STX7: variants seen among roughly 807,000 people sequenced by gnomAD.
STX7 encodes the protein syntaxin-7.
STX7 carries 34 observed loss-of-function variants against 39.6 expected under a neutral mutation model. The observed-to-expected ratio is 0.86, with a 90% CI of 0.65 to 1.14. STX7 has a LOEUF of 1.14. Ranked by LOEUF, STX7 falls within the 50% of genes most tolerant of loss-of-function variation. The pLI is 0.00. For missense variants in STX7, 284 were observed against 310.4 expected (o/e 0.92, Z 0.64); for synonymous variants, 119 against 99.1 (o/e 1.20, Z -1.19).
intron 3 of STX7, among the ~76,000 whole-genome samples, 153 bp from the exon 4 acceptor site, chr6:132,472,528 T>C (rs1414077129): frequency 6.6e-6 from 1 of 152,232 alleles, no homozygotes; most frequent in African/African-American, 2.4e-5. Context: ...AAATTTCATA[T>C]CCTATTCTTT....
chr6:132,510,021 A>G (rs1775807668), intron 1 of STX7, among the ~76,000 whole-genome samples: 2 of 152,218 alleles, frequency 1.3e-5, no homozygotes, highest in Non-Finnish European at 2.9e-5. Flanking sequence ...CTGTACTAAC[A>G]GACTAGCCAC....
At position 132,459,220 on chromosome 6, in the gene STX7, G is replaced by A. The variant is rs1383104711; in HGVS notation, c.*1538C>T. On this transcript the variant is annotated 3_prime_UTR_variant, in exon 10 of 10. Transcript: ENST00000367941. The stretch of plus-strand genomic sequence containing the variant: ...GGGCAGTCTGATTCTGGCAACAGGA[G>A]TCTCTAAGTTCCAATCACTCACTCA... The A allele has an allele frequency of 6.6e-6, 1 of 152,206 alleles. No homozygotes were observed. The highest frequency in any genetic ancestry group is 1.5e-5 in the Non-Finnish European group (1 of 68,058). The allele number at this position is 152,206 out of a possible 1,614,324, so 9.4% of individuals were successfully genotyped here.
intron 2 of STX7, 41 bp from the exon 3 acceptor site, chr6:132,475,703 TTAAGG>T (rs766015747): frequency 7.0e-7 from 1 of 1,435,550 alleles, no homozygotes; most frequent in Non-Finnish European, 9.6e-7. Context: ...GTCACAAAAG[TTAAGG>T]TAACAGAAAG....
intron 8 of STX7, among the ~76,000 whole-genome samples, chr6:132,466,913 A>G (rs1774578866): frequency 6.6e-6 from 1 of 152,196 alleles, no homozygotes. Flanking sequence ...TTTCACACTC[A>G]TACCCAGCCA....
Position 132,457,330 on chromosome 6 carries a change from G to C in STX7, c.*3428C>G, listed in dbSNP as rs1470148052. The C allele has an allele frequency of 6.6e-6, 1 of 152,180 alleles. No individual in the cohort carries two copies. The highest frequency in any genetic ancestry group is 2.4e-5 in the African/African-American group (1 of 41,440). 9.4% of individuals were successfully genotyped at this position (152,180 alleles called of 1,614,324 possible). The stretch of plus-strand genomic sequence containing the variant: ...CTGCTTTATCCAATCTACTGACTTT[G>C]GAAAATCCAGCTGAAATGAGGAAAG... On this transcript the variant is annotated 3_prime_UTR_variant, in exon 10 of 10. Transcript: ENST00000367941.
At position 132,456,470 on chromosome 6, in the gene STX7, G is replaced by C. The variant is rs976995716; in HGVS notation, c.*4288C>G. 2.0e-5 allele frequency: 3 copies of C among 152,166 alleles called. No individual in the cohort carries two copies. The highest frequency in any genetic ancestry group is 2.0e-4 in the Admixed American group (3 of 15,280). 9.4% of individuals were successfully genotyped at this position (152,166 alleles called of 1,614,324 possible). On this transcript the variant is annotated 3_prime_UTR_variant, in exon 10 of 10. Transcript: ENST00000367941. ...CTCTTAGAACACTATGCCCAGGCAT[G>C]TAGTAGCCTGGCAAAAAGCCGGCCC...
rs1774309300 is a variant in STX7 at position 132,458,673 on chromosome 6, A to C, written c.*2085T>G. On this transcript the variant is annotated 3_prime_UTR_variant, in exon 10 of 10. Coordinates refer to ENST00000367941, the MANE Select transcript of STX7 (RefSeq NM_003569.3). Reference sequence around the variant, plus strand: ...CAGAAAAGTTCAAGATTTTTTAAAAAATTTGGCTACCATACTATGTTTCTT... The same window carrying C: ...CAGAAAAGTTCAAGATTTTTTAAAACATTTGGCTACCATACTATGTTTCTT... 1 of 152,196 alleles carries C rather than the reference A, an allele frequency of 6.6e-6. No individual in the cohort carries two copies. Among genetic ancestry groups the C allele is most frequent in the South Asian group, 2.1e-4 (1 of 4,832 alleles). The allele number at this position is 152,196 out of a possible 1,614,324, so 9.4% of individuals were successfully genotyped here.
At chr6:132,498,652 G>C (rs987512923) in intron 2 of STX7, among the ~76,000 whole-genome samples, 1 of 152,162 alleles carries the variant, frequency 6.6e-6, no homozygotes, top group Non-Finnish European at 1.5e-5. Flanking sequence ...CAAATGTAGT[G>C]TGAAGAGAAC....
At chr6:132,475,868 T>C (rs1019819686) in intron 2 of STX7, among the ~76,000 whole-genome samples, 1 of 152,192 alleles carries the variant, frequency 6.6e-6, no homozygotes, top group Admixed American at 6.5e-5. Flanking sequence ...GGAAATTGTG[T>C]GAGAATGTTA....
rs148495140 is a variant in STX7 at position 132,468,474 on chromosome 6, G to A, written c.539C>T (p.Ala180Val). The A allele has an allele frequency of 7.9e-5, 126 of 1,593,462 alleles. 1 individual carries two copies. In the African/African-American group the frequency reaches 1.5e-3, roughly 19 times the overall value. ...TATTTCATTAATATCCATAATATCAGCCTAAGAGAAAACGCATATATTATT... is the reference window on the plus strand; with the variant it reads ...TATTTCATTAATATCCATAATATCAACCTAAGAGAAAACGCATATATTATT... Reference protein sequence around the residue: ...ERESSIRQLEADIMDINEIFK... With the variant: ...ERESSIRQLEVDIMDINEIFK... Residue 180 changes from alanine (A) to valine (V), a missense_variant and splice_region_variant, in exon 8 of 10, where the codon GCT becomes GTT. Coordinates refer to ENST00000367941, the MANE Select transcript of STX7 (RefSeq NM_003569.3).
At chr6:132,507,613 T>C (rs1208587370) in intron 1 of STX7, among the ~76,000 whole-genome samples, 3 of 152,242 alleles carry the variant, frequency 2.0e-5, no homozygotes, top group African/African-American at 7.2e-5. Flanking sequence ...CCAAAGTCCA[T>C]CTGTGCTGTA....
chr6:132,479,002 G>T (rs1201063614), intron 2 of STX7, among the ~76,000 whole-genome samples: 1 of 152,204 alleles, frequency 6.6e-6, no homozygotes, highest in Non-Finnish European at 1.5e-5. Flanking sequence ...CAGAAAAGCA[G>T]GAGGCAACAT....
At chr6:132,472,235 T>C (rs760916667) in intron 4 of STX7, 47 bp downstream of exon 4, 1 of 1,482,090 alleles carries the variant, frequency 6.7e-7, no homozygotes, top group South Asian at 1.2e-5. Context: ...GTGCACTGGG[T>C]TTTTTTCACA....
intron 7 of STX7, among the ~76,000 whole-genome samples, chr6:132,469,315 G>A (rs1191948877): frequency 6.6e-6 from 1 of 152,076 alleles, no homozygotes; most frequent in Non-Finnish European, 1.5e-5. Flanking sequence ...CATGTGCTCT[G>A]GGAAGACATC....
Position 132,471,658 on chromosome 6 carries a change from T to G in STX7, c.250-58A>C, listed in dbSNP as rs554493734. 36 of 1,591,182 alleles carry G rather than the reference T, an allele frequency of 2.3e-5. No individual in the cohort carries two copies. The South Asian group carries it at 3.8e-4, about 17-fold the overall frequency. ...TCTAGCTGTGAAGTTCAACTGAATT[T>G]GCGGTAGTTGGCTCTTTATTTAACC... On this transcript the variant is annotated intron_variant, in intron 4 of 9. Coordinates refer to ENST00000367941, the MANE Select transcript of STX7 (RefSeq NM_003569.3).
intron 2 of STX7, among the ~76,000 whole-genome samples, chr6:132,501,137 C>G (rs1299454001): frequency 6.6e-6 from 1 of 151,726 alleles, no homozygotes; most frequent in Non-Finnish European, 1.5e-5. Flanking sequence ...ACTGCAACCT[C>G]CGCCTCCCAG....
rs1448032118 is a variant in STX7 at position 132,458,134 on chromosome 6, A to C, written c.*2624T>G. On this transcript the variant is annotated 3_prime_UTR_variant, in exon 10 of 10. Transcript: ENST00000367941. ...AAAAACACAACTTTTTGTGTACAAA[A>C]TTTTACAATTTTTAACAAAAGCAGT... 6.6e-6 allele frequency: 1 copy of C among 152,214 alleles called. No homozygotes were observed. The allele number at this position is 152,214 out of a possible 1,614,324, so 9.4% of individuals were successfully genotyped here. A position where few individuals can be genotyped will look rare whatever the true frequency, so the allele number is the denominator to read the frequency against.
At position 132,460,622 on chromosome 6, in the gene STX7, C is replaced by A; in HGVS notation, c.*136G>T. 1.7e-6 allele frequency: 1 copy of A among 595,562 alleles called. No homozygotes were observed. Among genetic ancestry groups the A allele is most frequent in the Non-Finnish European group, 2.7e-6 (1 of 369,342 alleles). The allele number at this position is 595,562 out of a possible 1,614,324, so 36.9% of individuals were successfully genotyped here. ...TTAATCCAAAGGAACCACCCCAACC[C>A]CCCCAATAAAAATAACAAAGTATGG... is the stretch of plus-strand genomic sequence containing the variant. On this transcript the variant is annotated 3_prime_UTR_variant, in exon 10 of 10. Coordinates refer to ENST00000367941, the MANE Select transcript of STX7 (RefSeq NM_003569.3).
chr6:132,461,910 C>A, intron 9 of STX7: 1 of 1,434,430 alleles, frequency 7.0e-7, no homozygotes, highest in Non-Finnish European at 9.5e-7. Context: ...AGTAGAAGTA[C>A]CAAAATATTT....
Sources: allele counts gnomAD v4.1 joint callset (sites outside exome capture counted in the v4.1 genomes callset), GRCh38; gene constraint gnomAD v4.1.1; transcripts MANE v1.5; gene names NCBI Gene and HGNC (gene_info 2026-07-23, HGNC 2026-07-21).